Variants in C10orf88 observed in about 807,000 individuals in gnomAD.
The protein encoded by C10orf88 is chromosome 10 open reading frame 88.
Under a neutral mutation model 34.2 loss-of-function variants are expected in C10orf88, and 29 were observed. The observed-to-expected ratio is 0.85, with a 90% CI of 0.63 to 1.16. The LOEUF (loss-of-function observed/expected upper bound fraction) is 1.16. Among genes scored for constraint, C10orf88 ranks in the 50% most tolerant of loss-of-function variants. The pLI is 0.00. For missense variants in C10orf88, 507 were observed against 533.2 expected (o/e 0.95, Z 0.48); for synonymous variants, 194 against 197.4 (o/e 0.98, Z 0.15).
At position 122,932,528 on chromosome 10, in the gene C10orf88, C is replaced by T. The variant is rs372554337; in HGVS notation, c.1237G>A (p.Ala413Thr). The change falls in exon 6 of 6, where the codon GCT becomes ACT. Residue 413 changes from alanine to threonine, a missense_variant. Ala to Thr is a moderately conservative substitution (Grantham distance 58). Transcript: ENST00000481909. ...TTTTGCAGCAAATCCAGTAACAAAG[C>T]AATCTTATCATCAATGTGCTCCTGG... ...ELQEHIDDKIALLLDLLQNPN... is the reference protein window; with the variant it reads ...ELQEHIDDKITLLLDLLQNPN... The T allele has an allele frequency of 6.2e-7, 1 of 1,613,982 alleles. No individual in the cohort carries two copies.
At chr10:122,953,124 C>A in intron 1 of C10orf88, 92 bp from the exon 2 acceptor site, 5 of 1,072,486 alleles carry the variant, frequency 4.7e-6, no homozygotes, top group Non-Finnish European at 6.9e-6. Flanking sequence ...GTCGCCCAGG[C>A]TGGAATGCAG....
In C10orf88 at chr10:122,948,641, C is replaced by A. The variant is rs1179585962; in HGVS notation, c.648+8G>T. ...ATGTTATCTGGAAAGAAATCCATTT[C>A]TACTTACCCGCTGCTGACACCTAAC... On this transcript the variant is annotated splice_region_variant and intron_variant, in intron 4 of 5. Transcript: ENST00000481909. The A allele has an allele frequency of 6.2e-7, 1 of 1,611,500 alleles. No homozygotes were observed. Among genetic ancestry groups the A allele is most frequent in the East Asian group, 2.2e-5 (1 of 44,862 alleles).
chr10:122,950,513 T>C (rs1848680668), intron 3 of C10orf88, among the ~76,000 whole-genome samples: 2 of 152,114 alleles, frequency 1.3e-5, no homozygotes, highest in African/African-American at 4.8e-5. Flanking sequence ...TCTTAAGTGT[T>C]GAACCAAAGA....
rs567313316 is a variant in C10orf88 at position 122,932,374 on chromosome 10, C to T, written c.*53G>A. ...TTTTATAAATATTTTTGGGTTTTGG[C>T]TTTGTAATAAATATGTAATAAATAT... On this transcript the variant is annotated 3_prime_UTR_variant, in exon 6 of 6. Transcript: ENST00000481909. 1.4e-6 allele frequency: 2 copies of T among 1,449,322 alleles called. No individual in the cohort carries two copies. The highest frequency in any genetic ancestry group is 1.9e-6 in the Non-Finnish European group (2 of 1,060,978). The allele number at this position is 1,449,322 out of a possible 1,614,324, so 89.8% of individuals were successfully genotyped here. A position where few individuals can be genotyped will look rare whatever the true frequency, so the allele number is the denominator to read the frequency against.
intron 2 of C10orf88, among the ~76,000 whole-genome samples, chr10:122,952,302 C>A (rs537319051): frequency 6.6e-6 from 1 of 152,090 alleles, no homozygotes; most frequent in Non-Finnish European, 1.5e-5. Flanking sequence ...TTGTTTCCAA[C>A]ATGCAGGATA....
In C10orf88 at chr10:122,954,050, G is replaced by T; in HGVS notation, c.129C>A (p.Phe43Leu). Residue 43 changes from phenylalanine to leucine, a missense_variant, in exon 1 of 6, where the codon TTC becomes TTA. Transcript: ENST00000481909. ...GCGGTGCCAGCAGCTCCTCCCAGTC[G>T]AAGTCACCGGGGCCGAGACCGGCCC... ...LTRAGLGPGD[F>L]DWEELLAPPA... 1 of 1,538,300 alleles carries T rather than the reference G, an allele frequency of 6.5e-7. No homozygotes were observed.
Position 122,948,810 on chromosome 10 carries a change from C to T in C10orf88, c.487G>A (p.Val163Met). The T allele has an allele frequency of 6.2e-7, 1 of 1,613,584 alleles. No homozygotes were observed. Among genetic ancestry groups the T allele is most frequent in the East Asian group, 2.2e-5 (1 of 44,862 alleles). Reference protein sequence around the residue: ...ERQCVFISKVVVHMRSVFANS... With the variant: ...ERQCVFISKVMVHMRSVFANS... ...GCAAAAACTGATCTCATGTGTACCA[C>T]AACTTTACTGATGAACACACACTGC... Residue 163 changes from valine (V) to methionine (M), a missense_variant, in exon 4 of 6, where the codon GTG (valine) becomes ATG (methionine). By Grantham distance (21) the Val-to-Met change is conservative. Coordinates refer to ENST00000481909, the MANE Select transcript of C10orf88 (RefSeq NM_024942.4).
chr10:122,937,769 C>T lies in C10orf88; in HGVS notation c.1039G>A (p.Val347Met), dbSNP rs1225101832. Residue 347 changes from valine (V) to methionine (M), a missense_variant, in exon 5 of 6, where the codon GTG becomes ATG. By Grantham distance (21) the Val-to-Met change is conservative. Transcript: ENST00000481909. ...TCCTGACACTCGGTCTTATTTCCCA[C>T]ATGGAGATGATTAACTTGACTACAT... ...NLCSQVNHLH[V>M]GNKTECQENI... is the part of the protein sequence containing the mutation. The T allele has an allele frequency of 1.9e-6, 3 of 1,612,922 alleles. No individual in the cohort carries two copies. The highest frequency in any genetic ancestry group is 1.7e-5 in the Admixed American group (1 of 59,906).
At chr10:122,934,369 T>C (rs1367288229) in intron 5 of C10orf88, among the ~76,000 whole-genome samples, 1 of 152,192 alleles carries the variant, frequency 6.6e-6, no homozygotes, top group Admixed American at 6.5e-5. Flanking sequence ...CCCTAATACC[T>C]GGTAACCATC....
At chr10:122,951,527 A>G (rs1490158881) in intron 3 of C10orf88, among the ~76,000 whole-genome samples, 1 of 152,116 alleles carries the variant, frequency 6.6e-6, no homozygotes, top group Non-Finnish European at 1.5e-5. Context: ...TTTTAAGAGA[A>G]AAAGTCTACT....
chr10:122,933,696 T>C (rs367810667), intron 5 of C10orf88, among the ~76,000 whole-genome samples: 1 of 152,220 alleles, frequency 6.6e-6, no homozygotes, highest in East Asian at 1.9e-4. Flanking sequence ...GTAGTAGAGA[T>C]TTAGTGTATA....
In C10orf88 at chr10:122,931,275, A is replaced by G. The variant is rs538680667; in HGVS notation, c.*1152T>C. On this transcript the variant is annotated 3_prime_UTR_variant, in exon 6 of 6. Transcript: ENST00000481909. The stretch of plus-strand genomic sequence containing the variant: ...CGTGGTTGTAACCAGTCTCCTCTGG[A>G]CTGGTTACAAAAGGAACTTTTCATC... 2 of 152,266 alleles carry G rather than the reference A, an allele frequency of 1.3e-5. No individual in the cohort carries two copies. Among genetic ancestry groups the G allele is most frequent in the Non-Finnish European group, 2.9e-5 (2 of 68,008 alleles). The allele number at this position is 152,266 out of a possible 1,614,324, so 9.4% of individuals were successfully genotyped here. A position where few individuals can be genotyped will look rare whatever the true frequency, so the allele number is the denominator to read the frequency against.
At chr10:122,953,924 G>A in intron 1 of C10orf88, 91 bp downstream of exon 1, 1 of 1,101,012 alleles carries the variant, frequency 9.1e-7, no homozygotes, top group Non-Finnish European at 1.1e-6. Context: ...CCCGGATCCC[G>A]GGCTCAGACC....
chr10:122,933,023 TCTA>T (rs1474538478), intron 5 of C10orf88, among the ~76,000 whole-genome samples: 5 of 152,178 alleles, frequency 3.3e-5, no homozygotes, highest in Non-Finnish European at 7.3e-5. Flanking sequence ...CCCAACCAAC[TCTA>T]TAAAGTTTTT....
intron 4 of C10orf88, among the ~76,000 whole-genome samples, chr10:122,942,303 G>T (rs1187348092): frequency 6.6e-6 from 1 of 151,260 alleles, no homozygotes; most frequent in East Asian, 1.9e-4. Context: ...TGCAGAAAAG[G>T]CCTTTGACAA....
chr10:122,937,981 A>G lies in C10orf88; in HGVS notation c.827T>C (p.Ile276Thr), dbSNP rs150054473. 509 of 1,613,314 alleles carry G rather than the reference A, an allele frequency of 3.2e-4. 5 individuals carry two copies. Among genetic ancestry groups the G allele is most frequent in the Admixed American group, 1.2e-4 (7 of 59,898 alleles). ...GNVTENLQTY[I>T]DKSTQLPGGE... is the part of the protein sequence containing the mutation. ...ACCAGGCAGTTGTGTACTTTTATCAATGTAAGTTTGTAAGTTTTCAGTCAC... is the reference window on the plus strand; with the variant it reads ...ACCAGGCAGTTGTGTACTTTTATCAGTGTAAGTTTGTAAGTTTTCAGTCAC... The change falls in exon 5 of 6, where the codon ATT becomes ACT. Residue 276 changes from isoleucine (I) to threonine (T), a missense_variant. Transcript: ENST00000481909.
In C10orf88 at chr10:122,948,696, A is replaced by G; in HGVS notation, c.601T>C (p.Ser201Pro). Residue 201 changes from serine (S) to proline (P), a missense_variant, in exon 4 of 6, where the codon TCT (serine) becomes CCT (proline). Coordinates refer to ENST00000481909, the MANE Select transcript of C10orf88 (RefSeq NM_024942.4). ...TCCATCAACTGCTGAGCTCCAGGAG[A>G]TAACTTTGACCCCATGGACTCCATT... ...TIMESMGSKL[S>P]PGAQQLMDMV... 3 of 1,613,950 alleles carry G rather than the reference A, an allele frequency of 1.9e-6. No individual in the cohort carries two copies. Among genetic ancestry groups the G allele is most frequent in the South Asian group, 1.1e-5 (1 of 91,066 alleles).
At chr10:122,942,608 T>C (rs1277394976) in intron 4 of C10orf88, among the ~76,000 whole-genome samples, 19 of 150,168 alleles carry the variant, frequency 1.3e-4, no homozygotes, top group African/African-American at 4.6e-4. Context: ...ATGACATGAT[T>C]GTATATCTAG....
chr10:122,948,611 C>A lies in C10orf88; in HGVS notation c.648+38G>T, dbSNP rs575768125. 3 of 1,583,040 alleles carry A rather than the reference C, an allele frequency of 1.9e-6. No homozygotes were observed. In the South Asian group the frequency reaches 3.4e-5, roughly 18 times the overall value. ...TTACTAAAAGCAATGGTTTTGAAAT[C>A]ATTAATGTTATCTGGAAAGAAATCC... On this transcript the variant is annotated intron_variant, in intron 4 of 5. Transcript: ENST00000481909.
Sources: gnomAD v4.1 joint callset for allele counts (sites outside exome capture counted in the v4.1 genomes callset) on GRCh38, gnomAD v4.1.1 for gene constraint, MANE v1.5 for transcripts, NCBI Gene and HGNC (gene_info 2026-07-23, HGNC 2026-07-21) for gene names.